The following NT5DC1 variants were observed in gnomAD, a reference collection of about 807,000 sequenced individuals.
NT5DC1 encodes the protein 5'-nucleotidase domain-containing protein 1.
A neutral mutation model predicts 59.4 loss-of-function variants in NT5DC1; 42 were observed. That is an observed-to-expected ratio of 0.71 (90% CI 0.55 to 0.92). The LOEUF (loss-of-function observed/expected upper bound fraction) is 0.92, where lower values mean the gene tolerates loss of function less well. Ranked by LOEUF, NT5DC1 falls within the 40% of genes least tolerant of loss-of-function variation. NT5DC1 has a pLI of 0.00. For missense variants in NT5DC1, 501 were observed against 537.1 expected (o/e 0.93, Z 0.66); for synonymous variants, 172 against 188.1 (o/e 0.91, Z 0.70).
intron 6 of NT5DC1, among the ~76,000 whole-genome samples, chr6:116,164,909 C>T (rs945387268): frequency 6.6e-6 from 1 of 151,766 alleles, no homozygotes; most frequent in Non-Finnish European, 1.5e-5. Flanking sequence ...TGGTGAAACC[C>T]CGTCTCTACT....
At chr6:116,177,065 A>G (rs887126453) in intron 6 of NT5DC1, among the ~76,000 whole-genome samples, 2 of 152,254 alleles carry the variant, frequency 1.3e-5, no homozygotes, top group Admixed American at 6.5e-5. Context: ...GTTTTGATTT[A>G]TAGTATAGTT....
At chr6:116,237,213 T>A in intron 9 of NT5DC1, 129 bp downstream of exon 9, 1 of 661,252 alleles carries the variant, frequency 1.5e-6, no homozygotes, top group Non-Finnish European at 2.8e-6. Context: ...ACAGGCTGTC[T>A]ATCTGTGATA....
chr6:116,109,370 G>T (rs482012), intron 3 of NT5DC1, among the ~76,000 whole-genome samples: 90,684 of 152,070 alleles, frequency 0.6, 27,436 homozygotes, highest in East Asian at 0.78. Context: ...TATTTCTCAG[G>T]CATTGAGAGA....
At chr6:116,220,860 A>C (rs1007058503) in intron 6 of NT5DC1, among the ~76,000 whole-genome samples, 194 bp from the exon 7 acceptor site, 1 of 152,230 alleles carries the variant, frequency 6.6e-6, no homozygotes, top group South Asian at 2.1e-4. Flanking sequence ...AACATTTTCA[A>C]ACAATATTGT....
At chr6:116,145,984 C>A (rs1281980670) in intron 6 of NT5DC1, among the ~76,000 whole-genome samples, 1 of 152,220 alleles carries the variant, frequency 6.6e-6, no homozygotes, top group South Asian at 2.1e-4. Context: ...AGGCAGAAAT[C>A]TTTCCTTACT....
chr6:116,168,305 G>A (rs1364709329), intron 6 of NT5DC1, among the ~76,000 whole-genome samples: 4 of 151,420 alleles, frequency 2.6e-5, no homozygotes, highest in Admixed American at 2.0e-4. Flanking sequence ...TCTGCCTTTT[G>A]TTCTGTTTTC....
intron 6 of NT5DC1, among the ~76,000 whole-genome samples, chr6:116,168,356 A>T (rs1780524894): frequency 6.6e-6 from 1 of 151,176 alleles, no homozygotes; most frequent in Non-Finnish European, 1.5e-5. Context: ...TTCTCTCTTC[A>T]GTTGCGTCTA....
At chr6:116,233,191 A>T (rs971752609) in intron 8 of NT5DC1, among the ~76,000 whole-genome samples, 1 of 152,226 alleles carries the variant, frequency 6.6e-6, no homozygotes, top group African/African-American at 2.4e-5. Flanking sequence ...AACTGTTAAG[A>T]TTGCTTTAAT....
At position 116,206,935 on chromosome 6, in the gene NT5DC1, T is replaced by C. The variant is rs769761640; in HGVS notation, c.530-14119T>C. Among the ~76,000 whole-genome samples the C allele has an allele frequency of 2.0e-5, 3 of 152,120 alleles. No individual in the cohort carries two copies. The South Asian group carries it at 6.2e-4, about 31-fold the overall frequency. ...TGTCTCATTTAAATTGGATTTTAAA[T>C]GTTTTCTTCTTGTTTATTGAGTAAT... is the stretch of plus-strand genomic sequence containing the variant. On this transcript the variant is annotated intron_variant, in intron 6 of 11. Coordinates refer to ENST00000319550, the MANE Select transcript of NT5DC1 (RefSeq NM_152729.3).
intron 6 of NT5DC1, among the ~76,000 whole-genome samples, chr6:116,192,635 A>T (rs1781145055): frequency 6.6e-6 from 1 of 152,124 alleles, no homozygotes; most frequent in African/African-American, 2.4e-5. Flanking sequence ...TGTATATTAT[A>T]AAAAGTCAAT....
intron 8 of NT5DC1, among the ~76,000 whole-genome samples, chr6:116,226,678 G>T (rs1361527678): frequency 6.6e-6 from 1 of 151,892 alleles, no homozygotes; most frequent in Non-Finnish European, 1.5e-5. Context: ...CAAAAGACTT[G>T]AAAGTCTTTT....
Position 116,120,044 on chromosome 6 carries a change from C to T in NT5DC1, c.529+2099C>T, listed in dbSNP as rs756971676. 6 of 1,542,688 alleles carry T rather than the reference C, an allele frequency of 3.9e-6. No individual in the cohort carries two copies. The African/African-American group carries it at 1.1e-4, about 27-fold the overall frequency. On this transcript the variant is annotated intron_variant, in intron 6 of 11. Transcript: ENST00000319550. ...TAGAGTTAGAGAATGCTTTTTCTAG[C>T]ACAAGATTTAGATTAGCTCTGTGTG...
At chr6:116,143,345 G>C (rs1582831228) in intron 6 of NT5DC1, among the ~76,000 whole-genome samples, 2 of 152,120 alleles carry the variant, frequency 1.3e-5, no homozygotes, top group South Asian at 4.2e-4. Context: ...CAAGTAGCTG[G>C]GATTATAGGC....
rs914829887 is a variant in NT5DC1 at position 116,249,475 on chromosome 6, G to A, written c.*5451G>A. The A allele has an allele frequency of 3.9e-5, 6 of 152,146 alleles. No homozygotes were observed. The highest frequency in any genetic ancestry group is 1.2e-4 in the African/African-American group (5 of 41,428). The allele number at this position is 152,146 out of a possible 1,614,324, so 9.4% of individuals were successfully genotyped here. A position where few individuals can be genotyped will look rare whatever the true frequency, so the allele number is the denominator to read the frequency against. On this transcript the variant is annotated 3_prime_UTR_variant, in exon 12 of 12. Transcript: ENST00000319550. ...CTATACAGCAAAACTATCATTACCG[G>A]TAATTAAAGTTGTGATACCTGATAT...
intron 6 of NT5DC1, among the ~76,000 whole-genome samples, chr6:116,216,363 G>A (rs918216167): frequency 6.7e-6 from 1 of 149,870 alleles, no homozygotes; most frequent in African/African-American, 2.5e-5. Context: ...CTTAATCCTG[G>A]TAGCACATTA....
intron 5 of NT5DC1, among the ~76,000 whole-genome samples, chr6:116,116,636 C>T (rs1004239927): frequency 1.3e-5 from 2 of 151,932 alleles, no homozygotes; most frequent in African/African-American, 2.4e-5. Context: ...AGCAAGACTG[C>T]GTCTCAAAAT....
intron 7 of NT5DC1, among the ~76,000 whole-genome samples, chr6:116,222,148 GC>G (rs1294511146): frequency 6.6e-6 from 1 of 152,120 alleles, no homozygotes; most frequent in Non-Finnish European, 1.5e-5. Context: ...TAGAATTCCT[GC>G]TTTCTGAATA....
chr6:116,127,430 C>T (rs879269617), intron 6 of NT5DC1, among the ~76,000 whole-genome samples: 3 of 151,888 alleles, frequency 2.0e-5, no homozygotes, highest in African/African-American at 7.3e-5. Context: ...CTGTATAATA[C>T]TCATAGATAC....
chr6:116,147,801 C>T (rs903254602), intron 6 of NT5DC1, among the ~76,000 whole-genome samples: 1 of 151,964 alleles, frequency 6.6e-6, no homozygotes, highest in Non-Finnish European at 1.5e-5. Context: ...TTGATTATAC[C>T]ATTGTTTGTA....
Sources: gnomAD v4.1 joint callset for allele counts (sites outside exome capture counted in the v4.1 genomes callset) on GRCh38, gnomAD v4.1.1 for gene constraint, MANE v1.5 for transcripts, NCBI Gene and HGNC (gene_info 2026-07-23, HGNC 2026-07-21) for gene names.